The following SDK1 variants were observed in gnomAD, a reference collection of about 807,000 sequenced individuals.
SDK1 encodes the protein sidekick cell adhesion molecule 1, also known as protein sidekick-1.
SDK1 carries 157 observed loss-of-function variants against 245.5 expected under a neutral mutation model. The observed-to-expected ratio is 0.64, with a 90% CI of 0.56 to 0.73. The LOEUF is 0.73. SDK1 is among the 30% of genes least tolerant of loss of function. The pLI, the probability that SDK1 is intolerant of heterozygous loss-of-function variation, is 0.00. For missense variants in SDK1, 3,583 were observed against 3,002.3 expected, an observed-to-expected ratio of 1.19 and a Z score of -4.52; for synonymous variants, 1,647 against 1,278.5, an observed-to-expected ratio of 1.29 and a Z score of -6.15.
At chr7:3,566,915 T>C (rs1779938426) in intron 1 of SDK1, among the ~76,000 whole-genome samples, 1 of 151,972 alleles carries the variant, frequency 6.6e-6, no homozygotes, top group Non-Finnish European at 1.5e-5. Flanking sequence ...CTGAGGATGG[T>C]AGATACAAGT....
chr7:3,464,719 C>T (rs1048219375), intron 1 of SDK1, among the ~76,000 whole-genome samples: 16 of 129,178 alleles, frequency 1.2e-4, no homozygotes, highest in African/African-American at 3.3e-4. Flanking sequence ...TATATATACA[C>T]ACACACACAT....
At chr7:4,062,257 A>G (rs1224900068) in intron 19 of SDK1, among the ~76,000 whole-genome samples, 2 of 152,178 alleles carry the variant, frequency 1.3e-5, no homozygotes, top group Non-Finnish European at 2.9e-5. Context: ...AGGAAACAAA[A>G]TCAGAAATGC....
At chr7:3,407,338 G>C (rs956648133) in intron 1 of SDK1, among the ~76,000 whole-genome samples, 1 of 152,152 alleles carries the variant, frequency 6.6e-6, no homozygotes, top group Non-Finnish European at 1.5e-5. Context: ...CTTTCACAAG[G>C]TCTCTTGCAT....
At chr7:3,514,716 C>T (rs1398659988) in intron 1 of SDK1, among the ~76,000 whole-genome samples, 1 of 152,164 alleles carries the variant, frequency 6.6e-6, no homozygotes, top group Non-Finnish European at 1.5e-5. Context: ...CCAAGTAGTA[C>T]TTAGACCCCG....
At chr7:3,302,943 G>T (rs915539576) in intron 1 of SDK1, among the ~76,000 whole-genome samples, 1 of 150,898 alleles carries the variant, frequency 6.6e-6, no homozygotes, top group African/African-American at 2.5e-5. Context: ...GTAGTAACAT[G>T]ACTTAAATGT....
chr7:4,198,742 C>T (rs1222346509), intron 35 of SDK1, among the ~76,000 whole-genome samples: 2 of 151,998 alleles, frequency 1.3e-5, no homozygotes, highest in African/African-American at 2.4e-5. Context: ...AAGTTCATAT[C>T]GAGCTCATTC....
chr7:4,208,174 A>C lies in SDK1; in HGVS notation c.5290A>C (p.Arg1764=). The C allele has an allele frequency of 6.2e-7, 1 of 1,613,982 alleles. No homozygotes were observed. The highest frequency in any genetic ancestry group is 8.5e-7 in the Non-Finnish European group (1 of 1,179,924). ...CCTCTTCCTCCCCGAGCCCGTGGTG[A>C]GGCTGAAGAACCTGACCAGCCATAC... The part of the protein sequence containing the change: ...KVLFLPEPVV[R]LKNLTSHTKY... The change falls in exon 37 of 45, where the codon AGG becomes CGG. Residue 1764 remains arginine, a synonymous_variant. Coordinates refer to ENST00000404826, the MANE Select transcript of SDK1 (RefSeq NM_152744.4).
intron 4 of SDK1, among the ~76,000 whole-genome samples, chr7:3,746,884 A>G (rs1779640059): frequency 6.6e-6 from 1 of 152,136 alleles, no homozygotes; most frequent in Non-Finnish European, 1.5e-5. Flanking sequence ...TGAATCCCGA[A>G]TGTTCTTGAT....
intron 35 of SDK1, among the ~76,000 whole-genome samples, chr7:4,187,280 C>T (rs896195893): frequency 3.9e-5 from 6 of 152,190 alleles, no homozygotes; most frequent in African/African-American, 1.4e-4. Context: ...TCATCCAATA[C>T]ATTTGCACAA....
At chr7:3,960,221 T>C (rs1781575669) in intron 8 of SDK1, among the ~76,000 whole-genome samples, 1 of 152,182 alleles carries the variant, frequency 6.6e-6, no homozygotes, top group Admixed American at 6.5e-5. Flanking sequence ...GGCCACTCAA[T>C]GAAATGGGAT....
intron 17 of SDK1, among the ~76,000 whole-genome samples, chr7:4,048,617 C>G (rs1158993296): frequency 1.3e-5 from 2 of 152,118 alleles, no homozygotes; most frequent in African/African-American, 4.8e-5. Context: ...CACCCTTCCT[C>G]CCAAACACAG....
intron 5 of SDK1, among the ~76,000 whole-genome samples, chr7:3,913,317 G>A (rs1413072341): frequency 7.3e-6 from 1 of 137,640 alleles, no homozygotes; most frequent in Non-Finnish European, 1.5e-5. Flanking sequence ...TTTTTGAGAT[G>A]GAGTCTCGCT....
chr7:3,408,427 T>G lies in SDK1; in HGVS notation c.298+106543T>G, dbSNP rs73671815. ...TTCTTGATGTTATTATTAATCCTGT[T>G]TAAAATTAGAGCATTGGCTTTAATT... On this transcript the variant is annotated intron_variant, in intron 1 of 44. Coordinates refer to ENST00000404826, the MANE Select transcript of SDK1 (RefSeq NM_152744.4). Among the ~76,000 whole-genome samples, 1,048 of 152,328 alleles carry G rather than the reference T, an allele frequency of 6.9e-3. 11 individuals carry two copies. Among genetic ancestry groups the G allele is most frequent in the African/African-American group, 0.024 (1,000 of 41,568 alleles).
intron 28 of SDK1, among the ~76,000 whole-genome samples, chr7:4,139,523 G>GTGTGTGTGTGTGTGTATA (rs1562871662): frequency 9.8e-5 from 1 of 10,196 alleles, no homozygotes; most frequent in African/African-American, 1.6e-4. Flanking sequence ...ATATGTGTGT[G>GTGTGTGTGTGTGTGTATA]TATGTGTGTG....
At chr7:3,705,636 G>A (rs76169357) in intron 4 of SDK1, among the ~76,000 whole-genome samples, 1,634 of 151,946 alleles carry the variant, frequency 0.011, 34 homozygotes, top group African/African-American at 0.037. Flanking sequence ...TTCATTTATC[G>A]AATCAAGTAG....
chr7:3,636,250 A>C (rs764430440), intron 2 of SDK1, among the ~76,000 whole-genome samples: 3 of 152,150 alleles, frequency 2.0e-5, no homozygotes, highest in Non-Finnish European at 2.9e-5. Context: ...CCCTCTTAGT[A>C]AACTTTAAAA....
intron 1 of SDK1, among the ~76,000 whole-genome samples, chr7:3,495,252 CTTTTTTT>C (rs71029675): frequency 1.0e-5 from 1 of 99,772 alleles, no homozygotes; most frequent in African/African-American, 4.0e-5. Flanking sequence ...CATAATGGTT[CTTTTTTT>C]TTTTTTTTTT....
At chr7:3,311,382 A>C (rs1257278486) in intron 1 of SDK1, among the ~76,000 whole-genome samples, 1 of 152,118 alleles carries the variant, frequency 6.6e-6, no homozygotes, top group Non-Finnish European at 1.5e-5. Context: ...GCTCAATCTC[A>C]CTGGAGTTCT....
intron 5 of SDK1, among the ~76,000 whole-genome samples, chr7:3,870,661 C>G (rs908704476): frequency 1.3e-5 from 2 of 152,138 alleles, no homozygotes; most frequent in African/African-American, 4.8e-5. Flanking sequence ...ACCCTTCTTT[C>G]AGTTTCCTGT....
Sources: gnomAD v4.1 joint callset for allele counts (sites outside exome capture counted in the v4.1 genomes callset) on GRCh38, gnomAD v4.1.1 for gene constraint, MANE v1.5 for transcripts, NCBI Gene and HGNC (gene_info 2026-07-23, HGNC 2026-07-21) for gene names.